Variants in KIF21B observed in about 807,000 individuals in gnomAD.
KIF21B encodes kinesin-like protein KIF21B.
A neutral mutation model predicts 192.9 loss-of-function variants in KIF21B; 85 were observed. That is an observed-to-expected ratio of 0.44 (90% CI 0.37 to 0.53). KIF21B has a LOEUF of 0.53. Ranked by LOEUF, KIF21B falls within the 20% of genes least tolerant of loss-of-function variation. The pLI is 0.00. For missense variants in KIF21B, 1,716 were observed against 2,194.8 expected (o/e 0.78, Z 4.36); for synonymous variants, 832 against 884.6 (o/e 0.94, Z 1.05).
intron 30 of KIF21B, 99 bp downstream of exon 30, chr1:200,979,436 G>A (rs973823996): frequency 3.3e-5 from 28 of 861,186 alleles, no homozygotes; most frequent in Non-Finnish European, 4.1e-5. Context: ...CCATGTAGCC[G>A]GGCTGTGCTG....
intron 34 of KIF21B, among the ~76,000 whole-genome samples, chr1:200,974,510 C>T (rs569406021): frequency 6.6e-6 from 1 of 152,072 alleles, no homozygotes; most frequent in African/African-American, 2.4e-5. Context: ...CTTCCTCCTC[C>T]CCTGCCTAGC....
At chr1:201,007,639 C>T (rs1657978347) in intron 3 of KIF21B, among the ~76,000 whole-genome samples, 1 of 150,782 alleles carries the variant, frequency 6.6e-6, no homozygotes, top group Non-Finnish European at 1.5e-5. Flanking sequence ...GACAGGCACA[C>T]ACACACACAC....
rs1469476847 is a variant in KIF21B, at chr1:201,004,805, G to C, written c.861C>G (p.Gly287=). 6.2e-7 allele frequency: 1 copy of C among 1,613,924 alleles called. No homozygotes were observed. Among genetic ancestry groups the C allele is most frequent in the Non-Finnish European group, 8.5e-7 (1 of 1,180,036 alleles). Residue 287 remains glycine (G), a synonymous_variant, in exon 6 of 35, where the codon GGC becomes GGG. Coordinates refer to ENST00000461742, the MANE Select transcript of KIF21B (RefSeq NM_001252102.2). The part of the protein sequence containing the change: ...SERLKRTGAT[G]ERAKEGISIN... ...TGGAGATGCCCTCCTTGGCCCGCTC[G>C]CCAGTAGCCCCTGTCCGCTTCAGCC...
rs1557995254 is a variant in KIF21B at position 200,975,636 on chromosome 1, T to C, written c.4477A>G (p.Ile1493Val). The change falls in exon 33 of 35, where the codon ATC becomes GTC. Residue 1493 changes from isoleucine (I) to valine (V), a missense_variant. Physicochemically the swap from Ile to Val is conservative, Grantham distance 29 (BLOSUM62 3). Coordinates refer to ENST00000461742, the MANE Select transcript of KIF21B (RefSeq NM_001252102.2). This position sits in a 1 kb window ranked among gnomAD's most constrained non-coding sequence, Gnocchi z 4.3. ...FELGECVTGT[I>V]GPTHNFEPPH... The stretch of plus-strand genomic sequence containing the variant: ...GGCTCGAAGTTGTGAGTGGGGCCGA[T>C]GGTGCCCGTCACACACTCGCCCAGC... 1.9e-6 allele frequency: 3 copies of C among 1,613,640 alleles called. No individual in the cohort carries two copies.
intron 24 of KIF21B, 65 bp from the exon 25 acceptor site, chr1:200,987,266 G>T: frequency 6.9e-7 from 1 of 1,453,816 alleles, no homozygotes; most frequent in Non-Finnish European, 9.3e-7. Flanking sequence ...GGGGAGCCAG[G>T]GGAAATTCTA....
In KIF21B at chr1:200,990,615, G is replaced by A; in HGVS notation, c.2796C>T (p.Thr932=). The change falls in exon 19 of 35, where the codon ACC becomes ACT. Residue 932 remains threonine, a synonymous_variant. Transcript: ENST00000461742. The surrounding 1 kb of genome is among the most constrained non-coding windows in gnomAD (Gnocchi z 5.4). ...RIIDIVMQRM[T]IVNLEADMER... ...CCATGTCAGCCTCCAGGTTGACAAT[G>A]GTCATTCTCTGCATGACGATGTCAA... 6.2e-7 allele frequency: 1 copy of A among 1,614,132 alleles called. No homozygotes were observed. Among genetic ancestry groups the A allele is most frequent in the Non-Finnish European group, 8.5e-7 (1 of 1,180,014 alleles).
intron 26 of KIF21B, among the ~76,000 whole-genome samples, chr1:200,985,344 C>T (rs530828613): frequency 7.9e-5 from 12 of 152,128 alleles, no homozygotes; most frequent in South Asian, 6.2e-4. Context: ...AAAAATTAGG[C>T]GGGCATGGTG....
At chr1:200,984,747 C>G in intron 27 of KIF21B, 112 bp downstream of exon 27, 5 of 687,758 alleles carry the variant, frequency 7.3e-6, no homozygotes, top group Non-Finnish European at 9.4e-6. Flanking sequence ...GGGGCTGGAA[C>G]TTCAGGCTGG....
intron 1 of KIF21B, among the ~76,000 whole-genome samples, chr1:201,013,183 G>A (rs1196414061): frequency 6.6e-6 from 1 of 152,194 alleles, no homozygotes; most frequent in Non-Finnish European, 1.5e-5. Flanking sequence ...CCCACAGGTA[G>A]GAGACAAGAG....
intron 1 of KIF21B, among the ~76,000 whole-genome samples, chr1:201,012,410 C>T (rs146314089): frequency 6.4e-4 from 97 of 152,306 alleles, no homozygotes; most frequent in African/African-American, 1.9e-3. Flanking sequence ...ATGTCAGGGA[C>T]GCTCTCCATG....
rs4304621 is a variant in KIF21B at position 200,982,961 on chromosome 1, G to A, written c.3842+95C>T. ...TGGAGGGGCCGCATGCTGAGGACAC[G>A]GGTGTCAGGCGGGAGGGATGCAGCA... is the stretch of plus-strand genomic sequence containing the variant. On this transcript the variant is annotated intron_variant, in intron 28 of 34. Coordinates refer to ENST00000461742, the MANE Select transcript of KIF21B (RefSeq NM_001252102.2). This position sits in a 1 kb window ranked among gnomAD's most constrained non-coding sequence, Gnocchi z 4.7. The A allele has an allele frequency of 7.9e-3, 8,933 of 1,126,356 alleles. 274 individuals carry two copies. The African/African-American group carries it at 0.09, about 11-fold the overall frequency. 69.8% of individuals were successfully genotyped at this position (1,126,356 alleles called of 1,614,324 possible).
intron 1 of KIF21B, among the ~76,000 whole-genome samples, chr1:201,018,988 G>A (rs2102483397): frequency 6.6e-6 from 1 of 152,338 alleles, no homozygotes; most frequent in East Asian, 1.9e-4. Flanking sequence ...AGGCTGGAGT[G>A]CAGTGGTGCG....
At chr1:201,014,053 G>T (rs939446869) in intron 1 of KIF21B, among the ~76,000 whole-genome samples, 2 of 152,224 alleles carry the variant, frequency 1.3e-5, no homozygotes, top group African/African-American at 4.8e-5. Flanking sequence ...TTTGCCACTT[G>T]GCAACCCGGA....
rs1656020412 is a variant in KIF21B at position 200,982,667 on chromosome 1, CA to C, written c.3842+388del. ...CAAAGGACCCAGAGCACACCACCGG[CA>C]CCCCCAAAAGGAGCAGCCTTCAGCA... On this transcript the variant is annotated intron_variant, in intron 28 of 34. Transcript: ENST00000461742. The surrounding 1 kb of genome is among the most constrained non-coding windows in gnomAD (Gnocchi z 4.7). Among the ~76,000 whole-genome samples, 1 of 152,208 alleles carries C rather than the reference CA, an allele frequency of 6.6e-6. No individual in the cohort carries two copies. The highest frequency in any genetic ancestry group is 1.9e-4 in the East Asian group (1 of 5,196).
Position 200,970,585 on chromosome 1 carries a change from T to G in KIF21B, c.*2936A>C, listed in dbSNP as rs1337871775. On this transcript the variant is annotated 3_prime_UTR_variant, in exon 35 of 35. Transcript: ENST00000461742. ...AAGCAAATACTGAACTGACTGATAG[T>G]GAGGACAGGGCCCTGGCACAGGACT... The G allele has an allele frequency of 6.6e-6, 1 of 152,374 alleles. No homozygotes were observed. The highest frequency in any genetic ancestry group is 1.5e-5 in the Non-Finnish European group (1 of 68,076). The allele number at this position is 152,374 out of a possible 1,614,324, so 9.4% of individuals were successfully genotyped here. A position where few individuals can be genotyped will look rare whatever the true frequency, so the allele number is the denominator to read the frequency against.
At chr1:200,987,756 A>G (rs1233908407) in intron 24 of KIF21B, among the ~76,000 whole-genome samples, 4 of 152,234 alleles carry the variant, frequency 2.6e-5, no homozygotes, top group Non-Finnish European at 5.9e-5. Context: ...CCAGCTAATC[A>G]GTTTACCTCA....
At chr1:201,009,553 C>T in intron 1 of KIF21B, 65 bp from the exon 2 acceptor site, 1 of 1,440,312 alleles carries the variant, frequency 6.9e-7, no homozygotes, top group East Asian at 2.3e-5. Context: ...AGGCCCCTCC[C>T]TCACACTGCC....
chr1:201,020,268 T>C (rs1467498829), intron 1 of KIF21B, among the ~76,000 whole-genome samples: 1 of 152,174 alleles, frequency 6.6e-6, no homozygotes, highest in African/African-American at 2.4e-5. Flanking sequence ...CCTTCCCCAA[T>C]TTCAACTTTG....
intron 17 of KIF21B, among the ~76,000 whole-genome samples, 174 bp from the exon 18 acceptor site, chr1:200,991,323 G>T (rs1461656010): frequency 6.6e-6 from 1 of 152,248 alleles, no homozygotes; most frequent in Non-Finnish European, 1.5e-5. Context: ...GCACACAAAA[G>T]AGGCTGCCAC....
Sources: allele counts gnomAD v4.1 joint callset (sites outside exome capture counted in the v4.1 genomes callset), GRCh38; gene constraint gnomAD v4.1.1; non-coding constraint Gnocchi (gnomAD v3.1); transcripts MANE v1.5; gene names NCBI Gene and HGNC (gene_info 2026-07-23, HGNC 2026-07-21).